The following IQCM variants were observed in gnomAD, a reference collection of about 807,000 sequenced individuals.
IQCM encodes the protein IQ domain-containing protein M.
IQCM carries 45 observed loss-of-function variants against 57.6 expected under a neutral mutation model. The ratio of observed to expected loss-of-function variants is 0.78; its 90% confidence interval spans 0.62 to 1.00. IQCM has a LOEUF of 1.00. IQCM is among the 50% of genes least tolerant of loss of function. The pLI, the probability that IQCM is intolerant of heterozygous loss-of-function variation, is 0.00. For synonymous variants in IQCM, 148 were observed against 158.9 expected, an observed-to-expected ratio of 0.93 and a Z score of 0.51; for missense variants, 468 against 511.6, an observed-to-expected ratio of 0.91 and a Z score of 0.82.
chr4:149,599,642 A>C (rs1754088900), intron 8 of IQCM, among the ~76,000 whole-genome samples: 1 of 152,150 alleles, frequency 6.6e-6, no homozygotes, highest in East Asian at 1.9e-4. Context: ...CCTTGAGCTT[A>C]AATTGAGCAT....
intron 2 of IQCM, among the ~76,000 whole-genome samples, chr4:149,758,258 GA>G (rs1282579804): frequency 1.3e-5 from 2 of 152,138 alleles, no homozygotes; most frequent in Non-Finnish European, 2.9e-5. Flanking sequence ...AAATGGTATG[GA>G]ACAACTGGAC....
chr4:149,361,855 T>A (rs995121349), intron 13 of IQCM, among the ~76,000 whole-genome samples: 1 of 152,094 alleles, frequency 6.6e-6, no homozygotes, highest in Non-Finnish European at 1.5e-5. Context: ...GCCACCTTAC[T>A]CCAAATCCCA....
intron 7 of IQCM, among the ~76,000 whole-genome samples, chr4:149,674,884 T>G (rs1002902547): frequency 5.9e-5 from 9 of 152,026 alleles, no homozygotes; most frequent in African/African-American, 2.2e-4. Flanking sequence ...AATTAAAAAC[T>G]TGATATCTGG....
At chr4:149,643,708 AGAGG>A (rs1758402792) in intron 7 of IQCM, among the ~76,000 whole-genome samples, 2 of 152,184 alleles carry the variant, frequency 1.3e-5, no homozygotes, top group African/African-American at 4.8e-5. Flanking sequence ...TGGTATCCAG[AGAGG>A]CTTGTCAGTC....
intron 13 of IQCM, among the ~76,000 whole-genome samples, chr4:149,364,115 A>G (rs1022537177): frequency 6.6e-6 from 1 of 152,182 alleles, no homozygotes; most frequent in African/African-American, 2.4e-5. Flanking sequence ...AGACTGGAGA[A>G]GGAACAAAAT....
intron 12 of IQCM, among the ~76,000 whole-genome samples, chr4:149,518,097 T>C (rs993728573): frequency 2.0e-5 from 3 of 152,206 alleles, no homozygotes; most frequent in Non-Finnish European, 4.4e-5. Context: ...AATAACCCAT[T>C]GACCAAGGCA....
rs570662170 is a variant in IQCM, at chr4:149,488,200, G to A, written c.1229-54643C>T. Among the ~76,000 whole-genome samples, 11 of 152,210 alleles carry A rather than the reference G, an allele frequency of 7.2e-5. No homozygotes were observed. The South Asian group carries it at 1.9e-3, about 26-fold the overall frequency. On this transcript the variant is annotated intron_variant, in intron 12 of 13. Transcript: ENST00000636793. ...TTCAATGTCTACATTGATGTGAAAA[G>A]TGTGGGGTTACTATGCAATATTTAT...
At chr4:149,674,848 A>G (rs1026716014) in intron 7 of IQCM, among the ~76,000 whole-genome samples, 2 of 152,080 alleles carry the variant, frequency 1.3e-5, no homozygotes, top group Non-Finnish European at 2.9e-5. Flanking sequence ...TAAAATTACA[A>G]GAGAGTGTTG....
At chr4:149,356,773 T>G (rs1729021910) in intron 13 of IQCM, among the ~76,000 whole-genome samples, 1 of 152,212 alleles carries the variant, frequency 6.6e-6, no homozygotes, top group African/African-American at 2.4e-5. Flanking sequence ...TTTTTCCAAT[T>G]CTGTGAAGAA....
intron 7 of IQCM, among the ~76,000 whole-genome samples, chr4:149,658,562 C>T (rs1300016530): frequency 6.6e-6 from 1 of 151,666 alleles, no homozygotes; most frequent in Non-Finnish European, 1.5e-5. Flanking sequence ...CATAGGGTTG[C>T]TTCAGGTAGT....
At position 149,768,079 on chromosome 4, in the gene IQCM, T is replaced by C. The variant is rs1410456663; in HGVS notation, c.-48-25340A>G. Among the ~76,000 whole-genome samples the C allele has an allele frequency of 5.9e-5, 9 of 152,258 alleles. No homozygotes were observed. The East Asian group carries it at 1.7e-3, about 29-fold the overall frequency. ...ACGTAACTCACAGCCCTGATGTAAC[T>C]AATTTTATCACCAAAGTTCCTAAAA... On this transcript the variant is annotated intron_variant, in intron 2 of 13. Coordinates refer to ENST00000636793, the MANE Select transcript of IQCM (RefSeq NM_001363507.2).
At chr4:149,395,506 A>G (rs533981222) in intron 13 of IQCM, among the ~76,000 whole-genome samples, 1 of 152,148 alleles carries the variant, frequency 6.6e-6, no homozygotes, top group East Asian at 1.9e-4. Context: ...TTATTGAAGC[A>G]TAGTTTGTTT....
rs928141124 is a variant in IQCM, at chr4:149,563,798, C to T, written c.842G>A (p.Arg281Lys). Residue 281 changes from arginine (R) to lysine (K), a missense_variant, in exon 10 of 14, where the codon AGA becomes AAA. Arg to Lys is a conservative substitution (Grantham distance 26). Transcript: ENST00000636793. Reference sequence around the variant, plus strand: ...TTTTGGGGTAATCATGAATTTTTTTCTTTCTCGGAACACTTGGAAGATTTC... The same window carrying T: ...TTTTGGGGTAATCATGAATTTTTTTTTTTCTCGGAACACTTGGAAGATTTC... ...HIEIFQVFRE[R>K]KKFMITPKLI... The T allele has an allele frequency of 1.2e-5, 15 of 1,231,854 alleles. No homozygotes were observed. The African/African-American group carries it at 2.2e-4, about 18-fold the overall frequency. The allele number at this position is 1,231,854 out of a possible 1,614,324, so 76.3% of individuals were successfully genotyped here. A position where few individuals can be genotyped will look rare whatever the true frequency, so the allele number is the denominator to read the frequency against.
At chr4:149,589,629 T>C (rs1057086225) in intron 8 of IQCM, among the ~76,000 whole-genome samples, 1 of 152,010 alleles carries the variant, frequency 6.6e-6, no homozygotes, top group Admixed American at 6.6e-5. Context: ...CATTCATTTC[T>C]TAAGAACTAA....
At chr4:149,658,194 G>T (rs1050564069) in intron 7 of IQCM, among the ~76,000 whole-genome samples, 14 of 151,826 alleles carry the variant, frequency 9.2e-5, no homozygotes, top group African/African-American at 3.4e-4. Context: ...AGAGGTAGGG[G>T]TCTAGTCTCA....
At chr4:149,530,643 T>C (rs1268186317) in intron 12 of IQCM, among the ~76,000 whole-genome samples, 1 of 152,194 alleles carries the variant, frequency 6.6e-6, no homozygotes, top group African/African-American at 2.4e-5. Flanking sequence ...TTACCACTGA[T>C]AGTTACCACT....
At chr4:149,418,800 G>A (rs572082914) in intron 13 of IQCM, among the ~76,000 whole-genome samples, 1 of 152,214 alleles carries the variant, frequency 6.6e-6, no homozygotes, top group East Asian at 1.9e-4. Flanking sequence ...CAAGGTCTCA[G>A]GATACAAGAT....
At chr4:149,476,859 C>T (rs1740258381) in intron 12 of IQCM, among the ~76,000 whole-genome samples, 1 of 152,158 alleles carries the variant, frequency 6.6e-6, no homozygotes, top group Non-Finnish European at 1.5e-5. Flanking sequence ...GCACTGAGTC[C>T]TGTTGTACTT....
intron 12 of IQCM, among the ~76,000 whole-genome samples, chr4:149,547,684 C>G (rs1412981141): frequency 6.6e-6 from 1 of 152,146 alleles, no homozygotes; most frequent in Admixed American, 6.5e-5. Context: ...CAAACAGTGA[C>G]TATGAATGGT....
Sources: gnomAD v4.1 joint callset for allele counts (sites outside exome capture counted in the v4.1 genomes callset) on GRCh38, gnomAD v4.1.1 for gene constraint, MANE v1.5 for transcripts, NCBI Gene and HGNC (gene_info 2026-07-23, HGNC 2026-07-21) for gene names.